Variants in RPN1 observed in about 807,000 individuals in gnomAD.
RPN1 encodes the protein ribophorin I, also known as dolichyl-diphosphooligosaccharide--protein glycosyltransferase subunit 1.
In RPN1, 12 loss-of-function variants were observed where a neutral mutation model predicts 55.5. The ratio of observed to expected loss-of-function variants is 0.22; its 90% CI spans 0.14 to 0.35. RPN1 has a LOEUF of 0.35. Among genes scored for constraint, RPN1 ranks in the 10% least tolerant of loss-of-function variants. The pLI, the probability that RPN1 is intolerant of heterozygous loss-of-function variation, is 1.00. For synonymous variants in RPN1, 317 were observed against 305.9 expected, an observed-to-expected ratio of 1.04 and a Z score of -0.38; for missense variants, 679 against 761.3, an observed-to-expected ratio of 0.89 and a Z score of 1.27.
rs549601911 is a variant in RPN1 at position 128,638,023 on chromosome 3, G to C, written c.409C>G (p.His137Asp). ...TGGGTTGGATACGGATGAAGCACAT[G>C]GGTGTAGACTGTTTCCACAATGACT... Reference protein sequence around the residue: ...ISVIVETVYTHVLHPYPTQIT... With the variant: ...ISVIVETVYTDVLHPYPTQIT... The change falls in exon 3 of 10, where the codon CAT (histidine) becomes GAT (aspartate). Residue 137 changes from histidine to aspartate, a missense_variant. His to Asp is a moderately conservative substitution (Grantham distance 81). Around this residue, in one of 3 missense-constraint regions of RPN1, gnomAD observed 352 missense variants for 352.8 expected, o/e 1.00. Coordinates refer to ENST00000296255, the MANE Select transcript of RPN1 (RefSeq NM_002950.4). The C allele has an allele frequency of 5.0e-6, 8 of 1,614,026 alleles. No homozygotes were observed. The East Asian group carries it at 1.8e-4, about 36-fold the overall frequency.
At chr3:128,645,288 A>G (rs999516726) in intron 1 of RPN1, among the ~76,000 whole-genome samples, 4 of 152,130 alleles carry the variant, frequency 2.6e-5, no homozygotes, top group African/African-American at 9.7e-5. Context: ...CCTGACCAAC[A>G]TGGAGAAACC....
chr3:128,624,762 G>C (rs1374490029), intron 8 of RPN1, among the ~76,000 whole-genome samples: 1 of 151,978 alleles, frequency 6.6e-6, no homozygotes, highest in Non-Finnish European at 1.5e-5. Flanking sequence ...CTCGAACCCG[G>C]GAGGCAGAGG....
chr3:128,625,809 T>G (rs2069595324), intron 7 of RPN1, 65 bp downstream of exon 7: 2 of 1,564,274 alleles, frequency 1.3e-6, no homozygotes, highest in African/African-American at 2.7e-5. Context: ...GAAGGTGAGT[T>G]CTTGGCCCCC....
rs538456359 is a variant in RPN1, at chr3:128,625,449, G to A, written c.1395+85C>T. 13 of 1,602,592 alleles carry A rather than the reference G, an allele frequency of 8.1e-6. No individual in the cohort carries two copies. In the African/African-American group the frequency reaches 1.2e-4, roughly 15 times the overall value. On this transcript the variant is annotated intron_variant, in intron 8 of 9. Coordinates refer to ENST00000296255, the MANE Select transcript of RPN1 (RefSeq NM_002950.4). ...TCTTTTGGCCATGGCGTCCTGCCCT[G>A]GGCTCACTGTGAGGATCAGTGCTCA... is the stretch of plus-strand genomic sequence containing the variant.
intron 8 of RPN1, among the ~76,000 whole-genome samples, chr3:128,622,703 A>G (rs983436747): frequency 6.6e-6 from 1 of 151,804 alleles, no homozygotes; most frequent in Non-Finnish European, 1.5e-5. Flanking sequence ...GACCAGCCTG[A>G]CCAATATGGT....
Position 128,632,141 on chromosome 3 carries a change from T to C in RPN1, c.650A>G (p.His217Arg), listed in dbSNP as rs751145417. 6.2e-7 allele frequency: 1 copy of C among 1,614,220 alleles called. No individual in the cohort carries two copies. Among genetic ancestry groups the C allele is most frequent in the East Asian group, 2.2e-5 (1 of 44,880 alleles). ...CAGGAAAGGGCTGTTGTTCTCATAA[T>C]GTACTTTAAAAGTATCCTGGAAGGA... The part of the protein sequence containing the change: ...PAYSQDTFKV[H>R]YENNSPFLTI... The change falls in exon 4 of 10, where the codon CAT becomes CGT. Residue 217 changes from histidine (H) to arginine (R), a missense_variant. His to Arg is a conservative substitution (Grantham distance 29). This residue lies in a region of RPN1 where 352 missense variants were observed against 352.8 expected (regional missense o/e 1.00). Coordinates refer to ENST00000296255, the MANE Select transcript of RPN1 (RefSeq NM_002950.4).
rs200124017 is a variant in RPN1, at chr3:128,625,557, G to A, written c.1372C>T (p.Arg458Trp). Reference protein sequence around the residue: ...ILFFTVIIYVRLDFSITKDPA... With the variant: ...ILFFTVIIYVWLDFSITKDPA... ...ACCTTGGTGATGGAGAAGTCCAGCC[G>A]AACATAGATGATAACGGTGAAGAAC... Residue 458 changes from arginine to tryptophan, a missense_variant, in exon 8 of 10, where the codon CGG (arginine) becomes TGG (tryptophan). Physicochemically the swap from Arg to Trp is moderately radical, Grantham distance 101. Transcript: ENST00000296255. 9 of 1,613,912 alleles carry A rather than the reference G, an allele frequency of 5.6e-6. No individual in the cohort carries two copies. Among genetic ancestry groups the A allele is most frequent in the South Asian group, 5.5e-5 (5 of 91,070 alleles).
At position 128,640,172 on chromosome 3, in the gene RPN1, A is replaced by G. The variant is rs551012519; in HGVS notation, c.327-2067T>C. On this transcript the variant is annotated intron_variant, in intron 2 of 9. Coordinates refer to ENST00000296255, the MANE Select transcript of RPN1 (RefSeq NM_002950.4). The stretch of plus-strand genomic sequence containing the variant: ...GGGTGACGGAGCGAGAATCCATCTC[A>G]AAAAAGGAAAAAAAAGAAAAACAGA... Among the ~76,000 whole-genome samples the G allele has an allele frequency of 8.5e-5, 13 of 152,218 alleles. No homozygotes were observed. In the South Asian group the frequency reaches 2.5e-3, roughly 29 times the overall value.
intron 3 of RPN1, among the ~76,000 whole-genome samples, 176 bp downstream of exon 3, chr3:128,637,623 G>A (rs115384119): frequency 6.9e-4 from 105 of 152,160 alleles, no homozygotes; most frequent in African/African-American, 2.1e-3. Flanking sequence ...GATCCCCCAA[G>A]GAGAAACAAG....
intron 6 of RPN1, 51 bp downstream of exon 6, chr3:128,626,682 A>G (rs1195145330): frequency 2.0e-6 from 3 of 1,503,888 alleles, no homozygotes; most frequent in Non-Finnish European, 2.8e-6. Context: ...GGGTACCACA[A>G]GGGTACAACC....
At chr3:128,633,882 C>T (rs1451492894) in intron 3 of RPN1, among the ~76,000 whole-genome samples, 1 of 151,904 alleles carries the variant, frequency 6.6e-6, no homozygotes. Context: ...ACTAAGGAGG[C>T]TGAGGTAGGA....
chr3:128,645,954 A>G (rs7429360), intron 1 of RPN1, among the ~76,000 whole-genome samples: 39,725 of 152,006 alleles, frequency 0.26, 5,366 homozygotes, highest in African/African-American at 0.29. Flanking sequence ...TGTAATAGAA[A>G]AGTCTCAGGG....
At chr3:128,634,328 GGA>G (rs1491291870) in intron 3 of RPN1, among the ~76,000 whole-genome samples, 62 of 145,050 alleles carry the variant, frequency 4.3e-4, no homozygotes, top group Middle Eastern at 3.5e-3. Context: ...CCTGTCTTAA[GGA>G]AAAAAAAAAA....
rs146308639 is a variant in RPN1, at chr3:128,622,242, A to C, written c.1563T>G (p.Thr521=). 2.5e-6 allele frequency: 4 copies of C among 1,614,168 alleles called. No homozygotes were observed. Among genetic ancestry groups the C allele is most frequent in the African/African-American group, 1.3e-5 (1 of 75,054 alleles). ...TLNSGKKSLE[T]EHKALTSEIA... is the part of the protein sequence containing the mutation. ...TCTCACTGGTCAAGGCCTTGTGTTCAGTCTCCAGGCTCTTCTTGCCACTGT... is the reference window on the plus strand; with the variant it reads ...TCTCACTGGTCAAGGCCTTGTGTTCCGTCTCCAGGCTCTTCTTGCCACTGT... The change falls in exon 9 of 10, where the codon ACT becomes ACG. Residue 521 remains threonine (T), a synonymous_variant. Coordinates refer to ENST00000296255, the MANE Select transcript of RPN1 (RefSeq NM_002950.4).
intron 2 of RPN1, among the ~76,000 whole-genome samples, chr3:128,639,316 T>C (rs1174923403): frequency 6.6e-6 from 1 of 151,690 alleles, no homozygotes; most frequent in Non-Finnish European, 1.5e-5. Flanking sequence ...TAGCCGGGCG[T>C]TGTGGCGGGC....
At position 128,621,724 on chromosome 3, in the gene RPN1, A is replaced by G. The variant is rs371142519; in HGVS notation, c.1641+440T>C. Among the ~76,000 whole-genome samples the G allele has an allele frequency of 1.1e-4, 17 of 152,338 alleles. No homozygotes were observed. The East Asian group carries it at 3.3e-3, about 29-fold the overall frequency. ...ACACTCAGAACCCCTATGAGGGGCT[A>G]ACAGCATTCCCATTTTATAGATGAG... On this transcript the variant is annotated intron_variant, in intron 9 of 9. Transcript: ENST00000296255.
rs1260968727 is a variant in RPN1, at chr3:128,626,100, C to G, written c.1137-88G>C. ...ATCAGAGAATTCCAAGGCTAAGGAG[C>G]CTTTCAAGATCACTAAATTCACACT... On this transcript the variant is annotated intron_variant, in intron 6 of 9. Coordinates refer to ENST00000296255, the MANE Select transcript of RPN1 (RefSeq NM_002950.4). 5.7e-5 allele frequency: 77 copies of G among 1,340,236 alleles called. 1 individual carries two copies. The highest frequency in any genetic ancestry group is 1.9e-4 in the Middle Eastern group (1 of 5,296). 83.0% of individuals were successfully genotyped at this position (1,340,236 alleles called of 1,614,324 possible).
intron 2 of RPN1, 105 bp from the exon 3 acceptor site, chr3:128,638,210 T>C (rs2069695808): frequency 2.5e-6 from 2 of 784,798 alleles, no homozygotes; most frequent in Non-Finnish European, 4.1e-6. Context: ...ACAAAAGCAA[T>C]TATCTTTAAG....
chr3:128,636,840 C>T (rs2069685277), intron 3 of RPN1, among the ~76,000 whole-genome samples: 1 of 152,236 alleles, frequency 6.6e-6, no homozygotes, highest in Non-Finnish European at 1.5e-5. Flanking sequence ...TGAGCCACTG[C>T]ACCCAGTGCA....
Sources: allele counts gnomAD v4.1 joint callset (sites outside exome capture counted in the v4.1 genomes callset), GRCh38; gene constraint gnomAD v4.1.1; regional missense constraint gnomAD v4.1.1; transcripts MANE v1.5; gene names NCBI Gene and HGNC (gene_info 2026-07-23, HGNC 2026-07-21).